The following KIAA0586 variants were observed in gnomAD, a reference collection of about 807,000 sequenced individuals.
KIAA0586 encodes the protein KIAA0586.
In KIAA0586, 144 loss-of-function variants were observed where a neutral mutation model predicts 169.8. The ratio of observed to expected loss-of-function variants is 0.85; its 90% confidence interval spans 0.74 to 0.97. The LOEUF (loss-of-function observed/expected upper bound fraction) is 0.97, where lower values mean the gene tolerates loss of function less well. Ranked by LOEUF, KIAA0586 falls within the 50% of genes least tolerant of loss-of-function variation. The pLI, the probability that KIAA0586 is intolerant of heterozygous loss-of-function variation, is 0.00. For synonymous variants in KIAA0586, 625 were observed against 612.4 expected (o/e 1.02, Z -0.30); for missense variants, 1,854 against 1,823.0 (o/e 1.02, Z -0.31).
intron 27 of KIAA0586, among the ~76,000 whole-genome samples, chr14:58,506,506 G>T (rs909305434): frequency 1.3e-5 from 2 of 151,892 alleles, no homozygotes; most frequent in African/African-American, 4.8e-5. Context: ...GGCCAATATG[G>T]TGAAACGCTG....
the KIAA0586 span, among the ~76,000 whole-genome samples, chr14:58,559,963 T>A: frequency 1.1e-4 from 16 of 152,020 alleles, no homozygotes; most frequent in Non-Finnish European, 8.8e-5. Flanking sequence ...CCAGCCTGAC[T>A]AACATGGTGA....
At chr14:58,472,515 G>A (rs189593847) in intron 18 of KIAA0586, among the ~76,000 whole-genome samples, 57 of 151,986 alleles carry the variant, frequency 3.8e-4, no homozygotes, top group Admixed American at 1.7e-3. Context: ...CCTAGATTTT[G>A]TCTATCTGTT....
intron 29 of KIAA0586, among the ~76,000 whole-genome samples, chr14:58,526,500 A>G (rs1339582889): frequency 1.3e-5 from 2 of 152,200 alleles, no homozygotes; most frequent in African/African-American, 4.8e-5. Context: ...AACAGAAAGG[A>G]ATAGCATCAA....
intron 1 of KIAA0586, among the ~76,000 whole-genome samples, chr14:58,429,130 C>T (rs917284999): frequency 1.3e-5 from 2 of 152,272 alleles, no homozygotes; most frequent in East Asian, 1.9e-4. Context: ...TAAAATGTTT[C>T]GTGCTTAATC....
intron 14 of KIAA0586, chr14:58,463,850 T>TAAAAAATTAGATACATA (rs2040524090): frequency 3.8e-6 from 1 of 263,338 alleles, no homozygotes; most frequent in Non-Finnish European, 7.8e-6. Context: ...TTAGATACAT[T>TAAAAAATTAGATACATA]AAAAAATTAG....
intron 4 of KIAA0586, among the ~76,000 whole-genome samples, chr14:58,434,096 CAT>C (rs2140438892): frequency 1.3e-5 from 2 of 152,156 alleles, no homozygotes; most frequent in Non-Finnish European, 2.9e-5. Context: ...TAAAAGAAAA[CAT>C]AAACACAGTA....
chr14:58,434,746 G>A (rs904837947), intron 4 of KIAA0586, among the ~76,000 whole-genome samples: 1 of 152,102 alleles, frequency 6.6e-6, no homozygotes, highest in Non-Finnish European at 1.5e-5. Context: ...ACTGTCCTCT[G>A]CACTTCTTTA....
chr14:58,495,244 A>T (rs2043084904), intron 26 of KIAA0586, among the ~76,000 whole-genome samples: 1 of 152,058 alleles, frequency 6.6e-6, no homozygotes, highest in South Asian at 2.1e-4. Flanking sequence ...ATATATGTAT[A>T]AAAATATATT....
intron 29 of KIAA0586, among the ~76,000 whole-genome samples, chr14:58,534,322 T>G (rs2046156923): frequency 6.6e-6 from 1 of 152,142 alleles, no homozygotes; most frequent in African/African-American, 2.4e-5. Context: ...ATAATATAGG[T>G]GTATTAGAAT....
intron 10 of KIAA0586, among the ~76,000 whole-genome samples, chr14:58,457,151 T>C (rs1459204460): frequency 2.0e-5 from 3 of 152,186 alleles, no homozygotes; most frequent in Non-Finnish European, 4.4e-5. Flanking sequence ...CCAACTTGCT[T>C]ATATTTTACT....
intron 28 of KIAA0586, among the ~76,000 whole-genome samples, chr14:58,509,738 A>G (rs2044251483): frequency 6.6e-6 from 1 of 152,172 alleles, no homozygotes; most frequent in Non-Finnish European, 1.5e-5. Flanking sequence ...TCTGTTAATA[A>G]CTTCGATATA....
At chr14:58,515,679 T>C (rs1232579783) in intron 29 of KIAA0586, among the ~76,000 whole-genome samples, 2 of 152,140 alleles carry the variant, frequency 1.3e-5, no homozygotes, top group Admixed American at 1.3e-4. Context: ...GTATCTCTGA[T>C]AGGGAGGGGT....
At chr14:58,552,977 A>G (rs1392535707), downstream of KIAA0586, among the ~76,000 whole-genome samples, 1 of 152,206 alleles carries the variant, frequency 6.6e-6, no homozygotes, top group Non-Finnish European at 1.5e-5. Flanking sequence ...ATTGTAATAT[A>G]AGAGGTATTT....
intron 29 of KIAA0586, among the ~76,000 whole-genome samples, chr14:58,525,359 C>A: frequency 6.6e-6 from 1 of 151,884 alleles, no homozygotes; most frequent in Non-Finnish European, 1.5e-5. Flanking sequence ...ACTGAGGTAC[C>A]TGGCTCATCT....
chr14:58,434,885 C>G (rs1427719391), intron 4 of KIAA0586, among the ~76,000 whole-genome samples: 1 of 152,094 alleles, frequency 6.6e-6, no homozygotes, highest in African/African-American at 2.4e-5. Context: ...ATCCTACAAC[C>G]TGAGGTCCCC....
rs2041691592 is a variant in KIAA0586 at position 58,477,061 on chromosome 14, A to AT, written c.2826-56dup. ...TATTTTTAGGGGTGGTATGTCTAAC[A>AT]TTTTTTACATTTCAATCAAATTGAG... On this transcript the variant is annotated intron_variant, in intron 19 of 30. Coordinates refer to ENST00000652326, the MANE Select transcript of KIAA0586 (RefSeq NM_001329943.3). The AT allele has an allele frequency of 3.3e-6, 3 of 918,900 alleles. 1 individual carries two copies. Among genetic ancestry groups the AT allele is most frequent in the South Asian group, 3.0e-5 (2 of 67,654 alleles). The allele number at this position is 918,900 out of a possible 1,614,324, so 56.9% of individuals were successfully genotyped here.
intron 29 of KIAA0586, among the ~76,000 whole-genome samples, chr14:58,525,976 C>T (rs1446152383): frequency 2.0e-5 from 3 of 152,202 alleles, no homozygotes; most frequent in Admixed American, 6.5e-5. Context: ...CACCATGTCT[C>T]AGCAAAGCCG....
intron 29 of KIAA0586, among the ~76,000 whole-genome samples, chr14:58,535,656 A>G (rs1207937756): frequency 6.6e-6 from 1 of 151,614 alleles, no homozygotes; most frequent in African/African-American, 2.4e-5. Flanking sequence ...AACAAGTACT[A>G]ACTTCTTTTT....
chr14:58,537,886 A>G (rs1337444697), intron 29 of KIAA0586, among the ~76,000 whole-genome samples: 1 of 152,166 alleles, frequency 6.6e-6, no homozygotes, highest in African/African-American at 2.4e-5. Context: ...TGACCTCCTG[A>G]TCTTCCCACC....
Sources: allele counts gnomAD v4.1 joint callset (sites outside exome capture counted in the v4.1 genomes callset), GRCh38; gene constraint gnomAD v4.1.1; transcripts MANE v1.5; gene names NCBI Gene and HGNC (gene_info 2026-07-23, HGNC 2026-07-21).